The following INPP5A variants were observed in gnomAD, a reference collection of about 807,000 sequenced individuals.
INPP5A encodes the protein 43 kDa inositol polyphosphate 5-phophatase.
INPP5A carries 14 observed loss-of-function variants against 65.2 expected under a neutral mutation model. That is an observed-to-expected ratio of 0.21 (90% CI 0.14 to 0.34). The LOEUF is 0.34. Ranked by LOEUF, INPP5A falls within the 10% of genes least tolerant of loss-of-function variation. INPP5A has a pLI of 1.00. For missense variants in INPP5A, 431 were observed against 545.6 expected (o/e 0.79, Z 2.09); for synonymous variants, 207 against 208.3 (o/e 0.99, Z 0.05).
At chr10:132,688,347 AC>A (rs2134477950) in intron 4 of INPP5A, among the ~76,000 whole-genome samples, 1 of 152,206 alleles carries the variant, frequency 6.6e-6, no homozygotes, top group Non-Finnish European at 1.5e-5. Context: ...CAGGACAGCC[AC>A]CCCAGTGACC....
At chr10:132,615,795 G>T (rs1480090319) in intron 2 of INPP5A, among the ~76,000 whole-genome samples, 1 of 152,164 alleles carries the variant, frequency 6.6e-6, no homozygotes, top group East Asian at 1.9e-4. Context: ...TCAGTGGAGT[G>T]TAGGCACTGG....
chr10:132,552,990 C>T (rs2071075395), intron 1 of INPP5A, among the ~76,000 whole-genome samples: 1 of 122,808 alleles, frequency 8.1e-6, no homozygotes, highest in Admixed American at 7.8e-5. Flanking sequence ...AACGCCTTCT[C>T]AGAGCCTTGG....
rs1590903385 is a variant in INPP5A at position 132,659,858 on chromosome 10, G to A, written c.306+9353G>A. ...TCACAGAGCCAGATGCCCACAACAGGATCCAGTGCTGTCAGCTGGGCTCCA... is the reference window on the plus strand; with the variant it reads ...TCACAGAGCCAGATGCCCACAACAGAATCCAGTGCTGTCAGCTGGGCTCCA... On this transcript the variant is annotated intron_variant, in intron 4 of 15. Coordinates refer to ENST00000368594, the MANE Select transcript of INPP5A (RefSeq NM_005539.5). The surrounding 1 kb of genome is among the most constrained non-coding windows in gnomAD (Gnocchi z 5.5). Among the ~76,000 whole-genome samples, 1 of 152,328 alleles carries A rather than the reference G, an allele frequency of 6.6e-6. No homozygotes were observed. The highest frequency in any genetic ancestry group is 2.4e-5 in the African/African-American group (1 of 41,576).
At position 132,697,133 on chromosome 10, in the gene INPP5A, C is replaced by T. The variant is rs1845357453; in HGVS notation, c.371-683C>T. 6.6e-6 allele frequency among the ~76,000 whole-genome samples: 1 copy of T among 152,260 alleles called. No individual in the cohort carries two copies. Among genetic ancestry groups the T allele is most frequent in the Non-Finnish European group, 1.5e-5 (1 of 68,054 alleles). On this transcript the variant is annotated intron_variant, in intron 5 of 15. Coordinates refer to ENST00000368594, the MANE Select transcript of INPP5A (RefSeq NM_005539.5). The surrounding 1 kb of genome is among the most constrained non-coding windows in gnomAD (Gnocchi z 5.6). ...TTGCAAAGAGGCCAGCAGCCACCTG[C>T]CCACTGGACCCAGCAGGAGTTTGAG...
rs2071361026 is a variant in INPP5A at position 132,572,723 on chromosome 10, G to A, written c.75+34552G>A. On this transcript the variant is annotated intron_variant, in intron 1 of 15. Transcript: ENST00000368594. ...CGTTTATAACAGGACAGGATTCAGA[G>A]GACACTGTTGCTGAGGGAAAGTTTG... Among the ~76,000 whole-genome samples, 3 of 152,288 alleles carry A rather than the reference G, an allele frequency of 2.0e-5. No individual in the cohort carries two copies. The South Asian group carries it at 6.2e-4, about 32-fold the overall frequency.
chr10:132,685,844 A>T (rs970777639), intron 4 of INPP5A, among the ~76,000 whole-genome samples: 2 of 152,236 alleles, frequency 1.3e-5, no homozygotes, highest in African/African-American at 4.8e-5. Flanking sequence ...TGGGCCCGCT[A>T]TCAGAATTCA....
chr10:132,717,819 G>C (rs545360668), intron 8 of INPP5A, among the ~76,000 whole-genome samples: 1 of 144,558 alleles, frequency 6.9e-6, no homozygotes. Context: ...CCTGGGTTCT[G>C]TCTGGGCACC....
intron 8 of INPP5A, among the ~76,000 whole-genome samples, chr10:132,716,410 CA>C (rs1845740495): frequency 6.6e-6 from 1 of 152,248 alleles, no homozygotes; most frequent in Admixed American, 6.5e-5. Context: ...TGTCTTTACA[CA>C]TGTCATCGCC....
At chr10:132,738,635 G>A (rs1846219959) in intron 9 of INPP5A, among the ~76,000 whole-genome samples, 1 of 152,258 alleles carries the variant, frequency 6.6e-6, no homozygotes, top group Non-Finnish European at 1.5e-5. Flanking sequence ...TGGCGTGAGA[G>A]CAAGTGGGCG....
At chr10:132,578,391 C>T (rs990220158) in intron 1 of INPP5A, among the ~76,000 whole-genome samples, 22 of 151,460 alleles carry the variant, frequency 1.5e-4, no homozygotes, top group Admixed American at 5.3e-4. Context: ...GCACCTCGGC[C>T]GGCATTCAGT....
chr10:132,760,040 C>T (rs1846703670), intron 11 of INPP5A, among the ~76,000 whole-genome samples: 1 of 152,236 alleles, frequency 6.6e-6, no homozygotes, highest in South Asian at 2.1e-4. Context: ...ATGACCCACC[C>T]TGGGCGATAG....
Position 132,684,463 on chromosome 10 carries a change from T to C in INPP5A, c.307-5929T>C, listed in dbSNP as rs568216575. 3.9e-5 allele frequency among the ~76,000 whole-genome samples: 6 copies of C among 152,322 alleles called. No individual in the cohort carries two copies. The South Asian group carries it at 1.2e-3, about 32-fold the overall frequency. ...TATATGGATGTGGGTTATGTACATG[T>C]GTGTGCATGGATGTGTACATATGTG... On this transcript the variant is annotated intron_variant, in intron 4 of 15. Transcript: ENST00000368594.
chr10:132,611,042 AG>A (rs1471858215), intron 2 of INPP5A, among the ~76,000 whole-genome samples: 1 of 137,026 alleles, frequency 7.3e-6, no homozygotes, highest in African/African-American at 2.8e-5. Flanking sequence ...GCCCTGTCAG[AG>A]GAGGATGAGG....
intron 7 of INPP5A, among the ~76,000 whole-genome samples, chr10:132,709,773 C>T (rs1290133490): frequency 6.6e-6 from 1 of 152,230 alleles, no homozygotes; most frequent in African/African-American, 2.4e-5. Flanking sequence ...GGTGAGAGGG[C>T]ACGTCCTTGC....
At position 132,546,714 on chromosome 10, in the gene INPP5A, C is replaced by T. The variant is rs945801676; in HGVS notation, c.75+8543C>T. 1.3e-5 allele frequency among the ~76,000 whole-genome samples: 2 copies of T among 152,182 alleles called. No homozygotes were observed. Among genetic ancestry groups the T allele is most frequent in the Non-Finnish European group, 2.9e-5 (2 of 68,024 alleles). On this transcript the variant is annotated intron_variant, in intron 1 of 15. Transcript: ENST00000368594. This position sits in a 1 kb window ranked among gnomAD's most constrained non-coding sequence, Gnocchi z 5.7. ...TAGCCTGCACTGAACTGCCCCTCTT[C>T]CTGGGTGCACTGCATACCCCGGGCC...
intron 1 of INPP5A, among the ~76,000 whole-genome samples, chr10:132,564,728 C>T (rs1299433555): frequency 6.6e-6 from 1 of 152,244 alleles, no homozygotes; most frequent in African/African-American, 2.4e-5. Flanking sequence ...TGCCCAGGCC[C>T]TGCCAGTGGC....
At chr10:132,579,990 A>G (rs1332182307) in intron 1 of INPP5A, among the ~76,000 whole-genome samples, 1 of 144,772 alleles carries the variant, frequency 6.9e-6, no homozygotes, top group African/African-American at 2.6e-5. Context: ...ACTGGAGTGG[A>G]GTCTGCCCCC....
intron 1 of INPP5A, among the ~76,000 whole-genome samples, chr10:132,596,929 GTGCA>G (rs2071704439): frequency 6.8e-5 from 2 of 29,414 alleles, no homozygotes; most frequent in African/African-American, 9.9e-5. Context: ...GTGCGCGCAT[GTGCA>G]CGCATGTGTG....
intron 11 of INPP5A, among the ~76,000 whole-genome samples, chr10:132,755,615 G>GGT (rs55717463): frequency 2.4e-3 from 340 of 143,832 alleles, no homozygotes; most frequent in Non-Finnish European, 3.2e-3. Flanking sequence ...TGAGTGAGTG[G>GGT]GTGTGTGTGT....
Sources: gnomAD v4.1 joint callset for allele counts (sites outside exome capture counted in the v4.1 genomes callset) on GRCh38, gnomAD v4.1.1 for gene constraint, Gnocchi (gnomAD v3.1) non-coding constraint, MANE v1.5 for transcripts, NCBI Gene and HGNC (gene_info 2026-07-23, HGNC 2026-07-21) for gene names.